The following DAGLA variants were observed in gnomAD, a reference collection of about 807,000 sequenced individuals.
The protein encoded by DAGLA is diacylglycerol lipase alpha.
Under a neutral mutation model 102.6 loss-of-function variants are expected in DAGLA, and 22 were observed. The observed-to-expected ratio is 0.21, with a 90% confidence interval of 0.15 to 0.31. DAGLA has a LOEUF of 0.31. Among genes scored for constraint, DAGLA ranks in the 10% least tolerant of loss-of-function variants. The pLI, the probability that DAGLA is intolerant of heterozygous loss-of-function variation, is 1.00. For missense variants in DAGLA, 927 were observed against 1,446.6 expected (o/e 0.64, Z 5.83); for synonymous variants, 578 against 628.9 (o/e 0.92, Z 1.21).
At chr11:61,689,266 G>A (rs950850262) in intron 1 of DAGLA, among the ~76,000 whole-genome samples, 1 of 152,226 alleles carries the variant, frequency 6.6e-6, no homozygotes, top group African/African-American at 2.4e-5. Context: ...GGCCTTTTCA[G>A]CCTCATCTGC....
intron 8 of DAGLA, among the ~76,000 whole-genome samples, chr11:61,729,303 T>TTGC (rs2065355904): frequency 2.6e-5 from 4 of 152,246 alleles, no homozygotes; most frequent in Non-Finnish European, 4.4e-5. Context: ...GCTAGCATTT[T>TTGC]TGCTGCTGCT....
At chr11:61,733,437 G>T (rs1053747021) in intron 9 of DAGLA, among the ~76,000 whole-genome samples, 8 of 152,232 alleles carry the variant, frequency 5.3e-5, no homozygotes, top group Non-Finnish European at 1.2e-4. Context: ...CTCCCCATTG[G>T]AAAGTGTGTA....
Position 61,740,569 on chromosome 11 carries a change from G to A in DAGLA, c.1960G>A (p.Val654Met). The change falls in exon 18 of 20, where the codon GTG (valine) becomes ATG (methionine). Residue 654 changes from valine (V) to methionine (M), a missense_variant. Around this residue, in one of 4 missense-constraint regions of DAGLA, gnomAD observed 218 missense variants for 459.6 expected, o/e 0.47. Transcript: ENST00000257215. ...CATGCTGCATGAGCACCTGCCCTAT[G>A]TGGTCATGGAGGGGCTCAACAAGGT... ...PAMLHEHLPY[V>M]VMEGLNKVLE... 7 of 1,613,774 alleles carry A rather than the reference G, an allele frequency of 4.3e-6. No homozygotes were observed. The highest frequency in any genetic ancestry group is 5.9e-6 in the Non-Finnish European group (7 of 1,179,962).
In DAGLA at chr11:61,744,404, C is replaced by G. The variant is rs766999020; in HGVS notation, c.3044C>G (p.Ala1015Gly). 1.9e-6 allele frequency: 3 copies of G among 1,610,792 alleles called. No individual in the cohort carries two copies. The highest frequency in any genetic ancestry group is 2.5e-6 in the Non-Finnish European group (3 of 1,178,522). The change falls in exon 20 of 20, where the codon GCG (alanine) becomes GGG (glycine). Residue 1015 changes from alanine (A) to glycine (G), a missense_variant. Physicochemically the swap from Ala to Gly is moderately conservative, Grantham distance 60. Transcript: ENST00000257215. ...GGCCTCAGTAGCCAGGAATGCCTGGCGGCTGACAAGATCCGGACTTCTACC... is the reference window on the plus strand; with the variant it reads ...GGCCTCAGTAGCCAGGAATGCCTGGGGGCTGACAAGATCCGGACTTCTACC... Reference protein sequence around the residue: ...PTGLSSQECLAADKIRTSTPT... With the variant: ...PTGLSSQECLGADKIRTSTPT...
intron 1 of DAGLA, among the ~76,000 whole-genome samples, chr11:61,716,801 G>C (rs1400280085): frequency 6.6e-6 from 1 of 152,226 alleles, no homozygotes; most frequent in Non-Finnish European, 1.5e-5. Flanking sequence ...CTCCCAGAAT[G>C]GTTAGTACTT....
chr11:61,722,108 C>T (rs1221482075), intron 3 of DAGLA, among the ~76,000 whole-genome samples: 1 of 152,248 alleles, frequency 6.6e-6, no homozygotes, highest in Non-Finnish European at 1.5e-5. Flanking sequence ...GTTCCAGAGG[C>T]CTCTTGCTGG....
chr11:61,714,541 A>C (rs1300853654), intron 1 of DAGLA, among the ~76,000 whole-genome samples: 1 of 152,196 alleles, frequency 6.6e-6, no homozygotes, highest in African/African-American at 2.4e-5. Context: ...GAAAGAGAGG[A>C]TCTCAGCCCA....
intron 1 of DAGLA, among the ~76,000 whole-genome samples, chr11:61,691,201 C>G (rs74439739): frequency 0.016 from 2,511 of 152,312 alleles, 72 homozygotes; most frequent in African/African-American, 0.056. Context: ...GGGCACCCAG[C>G]CCACCAGCTG....
intron 8 of DAGLA, among the ~76,000 whole-genome samples, chr11:61,729,226 T>A (rs1449404928): frequency 2.0e-5 from 3 of 152,210 alleles, no homozygotes; most frequent in Admixed American, 2.0e-4. Flanking sequence ...CCTGAATTCC[T>A]TTACCAAGTT....
intron 1 of DAGLA, among the ~76,000 whole-genome samples, chr11:61,681,085 C>T (rs1336736284): frequency 2.0e-5 from 3 of 152,212 alleles, no homozygotes; most frequent in Non-Finnish European, 1.5e-5. Context: ...GGGGGCTACC[C>T]GGCACTGCCG....
At chr11:61,721,014 A>G (rs1186933273) in intron 3 of DAGLA, 124 bp downstream of exon 3, 2 of 880,882 alleles carry the variant, frequency 2.3e-6, no homozygotes, top group Admixed American at 2.3e-5. Flanking sequence ...ACAGCAGTGA[A>G]CTAAGGCCTT....
chr11:61,728,849 C>T (rs1267378653), intron 7 of DAGLA, 82 bp from the exon 8 acceptor site: 13 of 1,262,748 alleles, frequency 1.0e-5, no homozygotes, highest in African/African-American at 5.9e-5. Context: ...AGCAGGCGGA[C>T]GCCAGGGCCT....
At chr11:61,726,491 C>T (rs1051121232) in intron 6 of DAGLA, among the ~76,000 whole-genome samples, 1 of 152,356 alleles carries the variant, frequency 6.6e-6, no homozygotes, top group East Asian at 1.9e-4. Flanking sequence ...GCCTTCAGCA[C>T]CTGGGAGCTC....
At chr11:61,709,979 G>C (rs2065180548) in intron 1 of DAGLA, among the ~76,000 whole-genome samples, 1 of 152,190 alleles carries the variant, frequency 6.6e-6, no homozygotes, top group Non-Finnish European at 1.5e-5. Context: ...CCCACAGCCT[G>C]AGGAGAGGAG....
intron 18 of DAGLA, among the ~76,000 whole-genome samples, chr11:61,740,918 CT>C: frequency 6.6e-6 from 1 of 152,298 alleles, no homozygotes; most frequent in East Asian, 1.9e-4. Flanking sequence ...CAGCCATCCC[CT>C]GGCTGCGGAA....
In DAGLA at chr11:61,738,214, C is replaced by T. The variant is rs2065442589; in HGVS notation, c.1656+7C>T. ...GCGAAGCACCAAGCCCAAAGTGAGC[C>T]CCCACCTGGGCACCCTGCCTCTGTG... is the stretch of plus-strand genomic sequence containing the variant. On this transcript the variant is annotated splice_region_variant and intron_variant, in intron 16 of 19. Transcript: ENST00000257215. The T allele has an allele frequency of 6.2e-7, 1 of 1,611,174 alleles. No homozygotes were observed. Among genetic ancestry groups the T allele is most frequent in the Admixed American group, 1.7e-5 (1 of 60,008 alleles).
intron 1 of DAGLA, among the ~76,000 whole-genome samples, chr11:61,711,323 G>A (rs1465807059): frequency 6.6e-6 from 1 of 152,214 alleles, no homozygotes; most frequent in African/African-American, 2.4e-5. Flanking sequence ...CTCCAGAGGG[G>A]ATGTGGACGT....
At chr11:61,735,159 C>G (rs900360493) in intron 10 of DAGLA, among the ~76,000 whole-genome samples, 157 bp downstream of exon 10, 2 of 152,174 alleles carry the variant, frequency 1.3e-5, no homozygotes, top group African/African-American at 4.8e-5. Flanking sequence ...CAGAGGTGGC[C>G]CCCTTCTCTT....
intron 12 of DAGLA, 133 bp downstream of exon 12, chr11:61,735,949 T>G: frequency 1.1e-6 from 1 of 906,344 alleles, no homozygotes; most frequent in South Asian, 1.6e-5. Context: ...AGGCATGAAT[T>G]AGTCTGGAAG....
Sources: gnomAD v4.1 joint callset for allele counts (sites outside exome capture counted in the v4.1 genomes callset) on GRCh38, gnomAD v4.1.1 for gene constraint, gnomAD v4.1.1 regional missense constraint, MANE v1.5 for transcripts, NCBI Gene and HGNC (gene_info 2026-07-23, HGNC 2026-07-21) for gene names.